Variants in MGAT4C observed in about 807,000 individuals in gnomAD.
The protein encoded by MGAT4C is alpha-1,3-mannosyl-glycoprotein 4-beta-N-acetylglucosaminyltransferase C.
In MGAT4C, 19 loss-of-function variants were observed where a neutral mutation model predicts 40.1. The ratio of observed to expected loss-of-function variants is 0.47; its 90% CI spans 0.33 to 0.70. The LOEUF (loss-of-function observed/expected upper bound fraction) is 0.70, where lower values mean the gene tolerates loss of function less well. Among genes scored for constraint, MGAT4C ranks in the 30% least tolerant of loss-of-function variants. MGAT4C has a pLI of 0.02. For synonymous variants in MGAT4C, 181 were observed against 187.1 expected, an observed-to-expected ratio of 0.97 and a Z score of 0.27; for missense variants, 491 against 563.2, an observed-to-expected ratio of 0.87 and a Z score of 1.30.
intron 1 of MGAT4C, among the ~76,000 whole-genome samples, chr12:86,157,094 T>C (rs1471049989): frequency 6.6e-6 from 1 of 151,010 alleles, no homozygotes; most frequent in Non-Finnish European, 1.5e-5. Flanking sequence ...ATGCAAGTAC[T>C]ATCATGATAT....
intron 3 of MGAT4C, among the ~76,000 whole-genome samples, chr12:86,400,767 T>C (rs890718303): frequency 6.6e-6 from 1 of 152,206 alleles, no homozygotes; most frequent in African/African-American, 2.4e-5. Flanking sequence ...TGGAGCCTTT[T>C]ATGGTCAGCA....
chr12:86,540,260 CT>C (rs1959149989), intron 2 of MGAT4C, among the ~76,000 whole-genome samples: 1 of 152,190 alleles, frequency 6.6e-6, no homozygotes, highest in South Asian at 2.1e-4. Flanking sequence ...ATGACTTATT[CT>C]GGAGAAAGCC....
Position 86,433,525 on chromosome 12 carries a change from T to A in MGAT4C, c.-120+1632A>T, listed in dbSNP as rs185986029. 6.1e-3 allele frequency among the ~76,000 whole-genome samples: 918 copies of A among 151,594 alleles called. 4 individuals are homozygous for A. Among genetic ancestry groups the A allele is most frequent in the Non-Finnish European group, 8.6e-3 (582 of 67,764 alleles). ...CCACAGAAATTTAAAGCAAATATAT[T>A]TTTTTTTACTACATGGATTCATGGT... On this transcript the variant is annotated intron_variant, in intron 3 of 7. Coordinates refer to the MGAT4C transcript ENST00000548651.
At chr12:86,536,312 A>C (rs1959066928) in intron 2 of MGAT4C, among the ~76,000 whole-genome samples, 1 of 152,178 alleles carries the variant, frequency 6.6e-6, no homozygotes, top group Non-Finnish European at 1.5e-5. Context: ...ATAGATTTGC[A>C]ATCTAACCTT....
chr12:86,429,738 T>C (rs1164348965), intron 3 of MGAT4C, among the ~76,000 whole-genome samples: 1 of 152,194 alleles, frequency 6.6e-6, no homozygotes, highest in African/African-American at 2.4e-5. Context: ...TGTTTTGTTA[T>C]TATATGACTT....
chr12:86,342,292 C>T (rs915396024), intron 3 of MGAT4C, among the ~76,000 whole-genome samples: 1 of 152,110 alleles, frequency 6.6e-6, no homozygotes, highest in Non-Finnish European at 1.5e-5. Flanking sequence ...CAGAGTATAA[C>T]GTAGGTGCTT....
At chr12:86,162,069 A>G (rs1321116902) in intron 1 of MGAT4C, among the ~76,000 whole-genome samples, 1 of 152,156 alleles carries the variant, frequency 6.6e-6, no homozygotes, top group African/African-American at 2.4e-5. Context: ...TGGTCCTGCC[A>G]CTGGAAAGCA....
At chr12:86,321,455 T>G (rs1305175375) in intron 4 of MGAT4C, among the ~76,000 whole-genome samples, 1 of 152,202 alleles carries the variant, frequency 6.6e-6, no homozygotes. Context: ...TGATTTCTAC[T>G]GAGCTTCAGG....
At chr12:86,102,052 T>G (rs1008997749) in intron 1 of MGAT4C, among the ~76,000 whole-genome samples, 2 of 151,858 alleles carry the variant, frequency 1.3e-5, no homozygotes, top group Non-Finnish European at 2.9e-5. Flanking sequence ...AGAAGAGAAA[T>G]AAAATAAATT....
intron 1 of MGAT4C, among the ~76,000 whole-genome samples, chr12:86,223,178 T>A (rs777591815): frequency 2.0e-5 from 3 of 152,190 alleles, no homozygotes; most frequent in Admixed American, 6.5e-5. Flanking sequence ...GGAACTTCCA[T>A]GAACAAATCC....
rs2217234 is a variant in MGAT4C, at chr12:86,652,535, C to A, written c.-229+74674G>T. On this transcript the variant is annotated intron_variant, in intron 2 of 7. Transcript: ENST00000548651. ...GAATGAATACCTGATTCTAGCTGGG[C>A]AAATAATTTTGTGTTTCTTTGAGGA... 8.9e-3 allele frequency among the ~76,000 whole-genome samples: 1,354 copies of A among 151,860 alleles called. 24 individuals are homozygous for A. Among genetic ancestry groups the A allele is most frequent in the African/African-American group, 0.032 (1,308 of 41,498 alleles).
At chr12:86,451,021 C>T (rs1348758256) in intron 2 of MGAT4C, among the ~76,000 whole-genome samples, 1 of 151,862 alleles carries the variant, frequency 6.6e-6, no homozygotes, top group Non-Finnish European at 1.5e-5. Context: ...TATTTGGTTC[C>T]TTTGAAGGTG....
In MGAT4C at chr12:86,446,658, CATATATATATATATATATATATAT is replaced by C. The variant is rs34157468; in HGVS notation, c.-228-11417_-228-11394del. Among the ~76,000 whole-genome samples, 691 of 35,346 alleles carry C rather than the reference CATATATATATATATATATATATAT, an allele frequency of 0.02. 39 individuals carry two copies. In the East Asian group the frequency reaches 0.2, roughly 10 times the overall value. 23.2% of individuals were successfully genotyped at this position (35,346 alleles called of 152,430 possible). A position where few individuals can be genotyped will look rare whatever the true frequency, so the allele number is the denominator to read the frequency against. ...GGACTTAAAATTACATCATGTAACTCATATATATATATATATATATATATATATATATATATATATATATATGGA... is the reference window on the plus strand; with the variant it reads ...GGACTTAAAATTACATCATGTAACTCATATATATATATATATATATATGGA... On this transcript the variant is annotated intron_variant, in intron 2 of 7. Coordinates refer to the MGAT4C transcript ENST00000548651.
At chr12:86,515,779 G>T (rs1460613220) in intron 2 of MGAT4C, among the ~76,000 whole-genome samples, 26 of 135,754 alleles carry the variant, frequency 1.9e-4, no homozygotes, top group African/African-American at 7.3e-4. Context: ...CGCTCTGTCT[G>T]TCGCCCAGGC....
chr12:86,630,181 C>G (rs922796260), intron 2 of MGAT4C, among the ~76,000 whole-genome samples: 6 of 152,124 alleles, frequency 3.9e-5, no homozygotes, highest in Non-Finnish European at 8.8e-5. Context: ...TCGACACATA[C>G]ACCCTCCCAA....
chr12:85,993,233 G>A (rs934812999), intron 2 of MGAT4C, among the ~76,000 whole-genome samples: 10 of 152,178 alleles, frequency 6.6e-5, no homozygotes, highest in African/African-American at 2.4e-4. Context: ...GACCACCACT[G>A]AAAAGCAGGG....
intron 4 of MGAT4C, among the ~76,000 whole-genome samples, chr12:86,280,859 T>C (rs1364659095): frequency 6.6e-6 from 1 of 152,122 alleles, no homozygotes; most frequent in East Asian, 1.9e-4. Context: ...TCTTATTACT[T>C]TTAACCTTTG....
At chr12:86,257,598 G>C (rs1952558655), upstream of MGAT4C, among the ~76,000 whole-genome samples, 1 of 152,202 alleles carries the variant, frequency 6.6e-6, no homozygotes, top group South Asian at 2.1e-4. Context: ...CTGAATAATG[G>C]ATTCAGGGCA....
chr12:86,072,787 C>T (rs1868830234), intron 1 of MGAT4C, among the ~76,000 whole-genome samples: 1 of 152,060 alleles, frequency 6.6e-6, no homozygotes, highest in South Asian at 2.1e-4. Flanking sequence ...ATTTTTTACA[C>T]CCCTTTTATA....
Sources: gnomAD v4.1 joint callset for allele counts (sites outside exome capture counted in the v4.1 genomes callset) on GRCh38, gnomAD v4.1.1 for gene constraint, MANE v1.5 for transcripts, NCBI Gene and HGNC (gene_info 2026-07-23, HGNC 2026-07-21) for gene names.